Variants in STK24 observed in about 807,000 individuals in gnomAD.
STK24 encodes the protein serine/threonine kinase 24, also known as serine/threonine-protein kinase 24.
Under a neutral mutation model 55.6 loss-of-function variants are expected in STK24, and 21 were observed. The observed-to-expected ratio is 0.38, with a 90% CI of 0.27 to 0.54. The LOEUF (loss-of-function observed/expected upper bound fraction) is 0.54. STK24 is among the 20% of genes least tolerant of loss of function. The pLI, the probability that STK24 is intolerant of heterozygous loss-of-function variation, is 0.79. For synonymous variants in STK24, 200 were observed against 215.2 expected (o/e 0.93, Z 0.62); for missense variants, 383 against 538.4 (o/e 0.71, Z 2.86).
At chr13:98,476,557 C>A (rs1193752590) in intron 3 of STK24, among the ~76,000 whole-genome samples, 5 of 152,248 alleles carry the variant, frequency 3.3e-5, no homozygotes, top group African/African-American at 1.2e-4. Flanking sequence ...GGGCGCTCCT[C>A]CACAGGAAGC....
At chr13:98,559,080 T>C (rs555589393) in intron 1 of STK24, among the ~76,000 whole-genome samples, 2 of 150,074 alleles carry the variant, frequency 1.3e-5, no homozygotes, top group East Asian at 2.0e-4. Context: ...TCCCAGCTAT[T>C]CAGGAGGCTG....
intron 1 of STK24, among the ~76,000 whole-genome samples, chr13:98,533,334 G>A (rs1896630054): frequency 6.6e-6 from 1 of 152,188 alleles, no homozygotes; most frequent in South Asian, 2.1e-4. Context: ...ACTCCAGCCT[G>A]GGTGACAGAG....
intron 1 of STK24, among the ~76,000 whole-genome samples, chr13:98,566,409 G>C (rs1368766674): frequency 6.6e-6 from 1 of 152,210 alleles, no homozygotes. Flanking sequence ...CAGTCGGGAG[G>C]AAGGAAAAGA....
At chr13:98,572,780 A>G (rs1897776299) in intron 1 of STK24, among the ~76,000 whole-genome samples, 1 of 152,256 alleles carries the variant, frequency 6.6e-6, no homozygotes, top group African/African-American at 2.4e-5. Flanking sequence ...ATATGAAACT[A>G]TGTTAAACTT....
At chr13:98,454,197 A>G (rs949987294) in intron 10 of STK24, 4 of 152,244 alleles carry the variant, frequency 2.6e-5, no homozygotes, top group South Asian at 2.1e-4. Flanking sequence ...ACAGAAGGCA[A>G]TGCACCCAAA....
At chr13:98,521,724 C>A (rs370872298) in intron 1 of STK24, 11 of 772,532 alleles carry the variant, frequency 1.4e-5, no homozygotes, top group African/African-American at 5.1e-5. Flanking sequence ...ATGAAACATA[C>A]CCCGTTTTCA....
chr13:98,497,203 C>T (rs1446304734), intron 2 of STK24, among the ~76,000 whole-genome samples: 1 of 152,122 alleles, frequency 6.6e-6, no homozygotes, highest in Non-Finnish European at 1.5e-5. Context: ...GCCTCAAAGC[C>T]ACCCTCCCTG....
intron 2 of STK24, among the ~76,000 whole-genome samples, chr13:98,482,538 G>A (rs574882181): frequency 2.4e-4 from 37 of 152,278 alleles, no homozygotes; most frequent in African/African-American, 6.7e-4. Context: ...GGGTGTGCTC[G>A]GGGGCCCGCA....
At chr13:98,456,968 GT>G in intron 10 of STK24, 199 bp downstream of exon 10, 2 of 691,932 alleles carry the variant, frequency 2.9e-6, no homozygotes, top group Non-Finnish European at 2.3e-6. Context: ...CTTTCCAGTA[GT>G]TTCCAGATTC....
intron 1 of STK24, among the ~76,000 whole-genome samples, chr13:98,570,060 G>C (rs1034386680): frequency 3.3e-5 from 5 of 151,576 alleles, no homozygotes; most frequent in African/African-American, 1.2e-4. Flanking sequence ...TGTATTTTTA[G>C]TAGAGACAGA....
At chr13:98,484,574 C>A (rs1894733027) in intron 2 of STK24, among the ~76,000 whole-genome samples, 1 of 152,212 alleles carries the variant, frequency 6.6e-6, no homozygotes, top group South Asian at 2.1e-4. Context: ...CAAGTGACCA[C>A]CCCCTCGTCC....
intron 1 of STK24, chr13:98,522,006 T>TC: frequency 7.0e-7 from 1 of 1,434,092 alleles, no homozygotes; most frequent in Non-Finnish European, 9.2e-7. Flanking sequence ...AAAGCCCTCC[T>TC]CCTCCACTCT....
intron 9 of STK24, 142 bp from the exon 10 acceptor site, chr13:98,457,446 T>A: frequency 2.4e-6 from 2 of 821,330 alleles, no homozygotes; most frequent in Non-Finnish European, 3.7e-6. Flanking sequence ...TGGCTAGGGC[T>A]CCAGGCCACT....
intron 1 of STK24, among the ~76,000 whole-genome samples, chr13:98,535,733 G>T (rs1337497749): frequency 6.6e-6 from 1 of 152,174 alleles, no homozygotes; most frequent in East Asian, 1.9e-4. Flanking sequence ...CCCACAGCTC[G>T]GAAGCGGGGT....
At chr13:98,517,569 G>A (rs576945035) in intron 2 of STK24, among the ~76,000 whole-genome samples, 15 of 152,274 alleles carry the variant, frequency 9.9e-5, no homozygotes, top group African/African-American at 3.6e-4. Context: ...GGCGGAGGGG[G>A]CAGTGAACTG....
At chr13:98,563,162 T>G (rs141578360) in intron 1 of STK24, among the ~76,000 whole-genome samples, 72 of 152,256 alleles carry the variant, frequency 4.7e-4, no homozygotes, top group African/African-American at 1.6e-3. Context: ...ATGTGATCAC[T>G]TTATGCCTCC....
intron 1 of STK24, among the ~76,000 whole-genome samples, chr13:98,534,857 AGGC>A (rs1156601874): frequency 6.6e-6 from 1 of 152,248 alleles, no homozygotes; most frequent in Non-Finnish European, 1.5e-5. Context: ...ATTTTCAGAG[AGGC>A]TGATTTGAGT....
chr13:98,557,329 C>T (rs150137233), intron 1 of STK24, among the ~76,000 whole-genome samples: 42 of 152,374 alleles, frequency 2.8e-4, no homozygotes, highest in African/African-American at 1.0e-3. Context: ...ATCCACTCAT[C>T]TGAAACAGAA....
rs1199892514 is a variant in STK24 at position 98,447,857 on chromosome 13, AAAAG to A, written c.*5312_*5315del. 2.3e-5 allele frequency: 5 copies of A among 212,790 alleles called. No homozygotes were observed. The highest frequency in any genetic ancestry group is 2.8e-5 in the Non-Finnish European group (3 of 106,336). 13.2% of individuals were successfully genotyped at this position (212,790 alleles called of 1,614,324 possible). ...CAGACCCTGTCTCAAAAAAAAAAGA[AAAAG>A]AAAAAAGGAAGGGAGAGCTTCCACT... On this transcript the variant is annotated 3_prime_UTR_variant, in exon 11 of 11. Transcript: ENST00000539966.
Sources: allele counts gnomAD v4.1 joint callset (sites outside exome capture counted in the v4.1 genomes callset), GRCh38; gene constraint gnomAD v4.1.1; transcripts MANE v1.5; gene names NCBI Gene and HGNC (gene_info 2026-07-23, HGNC 2026-07-21).